RANBP17: variants seen among roughly 807,000 people sequenced by gnomAD.
RANBP17 encodes ran-binding protein 17.
In RANBP17, 158 loss-of-function variants were observed where a neutral mutation model predicts 141.2. That is an observed-to-expected ratio of 1.12 (90% confidence interval 0.98 to 1.28). RANBP17 has a LOEUF of 1.28. RANBP17 is among the 50% of genes most tolerant of loss of function. The pLI, the probability that RANBP17 is intolerant of heterozygous loss-of-function variation, is 0.00. For synonymous variants in RANBP17, 430 were observed against 450.0 expected, an observed-to-expected ratio of 0.96 and a Z score of 0.56; for missense variants, 1,438 against 1,290.7, an observed-to-expected ratio of 1.11 and a Z score of -1.75.
Position 171,053,941 on chromosome 5 carries a change from G to A in RANBP17, c.1710+85564G>A, listed in dbSNP as rs151040529. Among the ~76,000 whole-genome samples the A allele has an allele frequency of 7.0e-4, 80 of 113,686 alleles. 2 individuals carry two copies. The East Asian group carries it at 0.02, about 28-fold the overall frequency. The allele number at this position is 113,686 out of a possible 152,430, so 74.6% of individuals were successfully genotyped here. ...TATATATATAATTGCTGTATTTGAT[G>A]CATATATGCTTATCATTGTTATATA... On this transcript the variant is annotated intron_variant, in intron 14 of 27. Coordinates refer to ENST00000523189, the MANE Select transcript of RANBP17 (RefSeq NM_022897.5).
rs566104190 is a variant in RANBP17 at position 170,935,616 on chromosome 5, C to G, written c.1468+11066C>G. Among the ~76,000 whole-genome samples, 5 of 152,272 alleles carry G rather than the reference C, an allele frequency of 3.3e-5. No individual in the cohort carries two copies. The South Asian group carries it at 1.0e-3, about 32-fold the overall frequency. Reference sequence around the variant, plus strand: ...GCCTGGGTATCACCAGCTGAGGCTGCAGAACAGCAGATGTTGCTGCCTAAT... The same window carrying G: ...GCCTGGGTATCACCAGCTGAGGCTGGAGAACAGCAGATGTTGCTGCCTAAT... On this transcript the variant is annotated intron_variant, in intron 12 of 27. Transcript: ENST00000523189.
At chr5:170,889,011 C>T (rs553941990) in intron 3 of RANBP17, among the ~76,000 whole-genome samples, 44 of 152,002 alleles carry the variant, frequency 2.9e-4, no homozygotes, top group African/African-American at 1.0e-3. Context: ...TGATGGATTA[C>T]ATTAATTAAT....
chr5:171,006,082 A>G (rs1779580973), intron 14 of RANBP17, among the ~76,000 whole-genome samples: 1 of 152,148 alleles, frequency 6.6e-6, no homozygotes, highest in Non-Finnish European at 1.5e-5. Context: ...CAATCATTAA[A>G]AAGTCAGGAA....
At chr5:171,078,589 C>G (rs1020480465) in intron 14 of RANBP17, among the ~76,000 whole-genome samples, 1 of 152,214 alleles carries the variant, frequency 6.6e-6, no homozygotes, top group Non-Finnish European at 1.5e-5. Flanking sequence ...TCTCTTAGTA[C>G]AGGCTAATCC....
intron 14 of RANBP17, among the ~76,000 whole-genome samples, chr5:170,991,800 T>C (rs1333850448): frequency 1.3e-5 from 2 of 152,060 alleles, no homozygotes; most frequent in Non-Finnish European, 2.9e-5. Flanking sequence ...GCTGCTGTTA[T>C]TGGTAAGAAT....
chr5:171,206,315 T>A (rs1467889835), intron 20 of RANBP17: 3 of 158,958 alleles, frequency 1.9e-5, no homozygotes, highest in Non-Finnish European at 2.8e-5. Context: ...TGAAAACAGA[T>A]ACAATTCAGT....
chr5:171,162,584 G>A (rs1160470245), intron 14 of RANBP17, among the ~76,000 whole-genome samples: 2 of 152,000 alleles, frequency 1.3e-5, no homozygotes, highest in African/African-American at 4.8e-5. Context: ...CATTATACCT[G>A]TACTCTTTCT....
chr5:171,192,381 A>G (rs1054339099), intron 18 of RANBP17, among the ~76,000 whole-genome samples: 1 of 152,202 alleles, frequency 6.6e-6, no homozygotes, highest in Non-Finnish European at 1.5e-5. Context: ...TTTTGAGGCT[A>G]GACAGTCCAG....
At chr5:171,110,558 G>A (rs1755153388) in intron 14 of RANBP17, among the ~76,000 whole-genome samples, 1 of 152,120 alleles carries the variant, frequency 6.6e-6, no homozygotes, top group African/African-American at 2.4e-5. Context: ...TTTTCCAACT[G>A]TGGCCCTGTA....
chr5:171,094,719 G>A (rs1250782852), intron 14 of RANBP17, among the ~76,000 whole-genome samples: 4 of 152,076 alleles, frequency 2.6e-5, no homozygotes, highest in Non-Finnish European at 5.9e-5. Flanking sequence ...TTGCTGTCTG[G>A]CTAATCTTGC....
chr5:170,883,624 GA>G (rs1430399680), intron 3 of RANBP17, among the ~76,000 whole-genome samples: 1 of 151,906 alleles, frequency 6.6e-6, no homozygotes, highest in African/African-American at 2.4e-5. Flanking sequence ...CCCCAACCCT[GA>G]TCTTTTTACT....
At chr5:171,254,499 A>C (rs1765766394) in intron 24 of RANBP17, among the ~76,000 whole-genome samples, 1 of 152,194 alleles carries the variant, frequency 6.6e-6, no homozygotes, top group Non-Finnish European at 1.5e-5. Flanking sequence ...ATTACATTTT[A>C]ATCAAGTAGA....
chr5:170,903,730 T>G (rs761358659), intron 5 of RANBP17: 66 of 309,946 alleles, frequency 2.1e-4, no homozygotes, highest in Non-Finnish European at 3.6e-4. Context: ...GTCGACCTCA[T>G]AGTGAATTCT....
At chr5:171,107,757 G>T (rs553711792) in intron 14 of RANBP17, among the ~76,000 whole-genome samples, 3 of 152,296 alleles carry the variant, frequency 2.0e-5, no homozygotes, top group Non-Finnish European at 1.5e-5. Flanking sequence ...GGGAAATATG[G>T]TTATCAGACG....
chr5:171,055,852 A>G (rs925172516), intron 14 of RANBP17, among the ~76,000 whole-genome samples: 1 of 147,188 alleles, frequency 6.8e-6, no homozygotes, highest in East Asian at 2.0e-4. Context: ...TGGCAAAACA[A>G]CCAGTTTCTC....
chr5:171,294,219 C>T (rs1445379456), intron 26 of RANBP17, among the ~76,000 whole-genome samples: 1 of 152,182 alleles, frequency 6.6e-6, no homozygotes, highest in Non-Finnish European at 1.5e-5. Context: ...AGCCCCCACT[C>T]ACCAGGTGGG....
chr5:171,068,128 T>C (rs1029577380), intron 14 of RANBP17, among the ~76,000 whole-genome samples: 1 of 152,212 alleles, frequency 6.6e-6, no homozygotes, highest in Non-Finnish European at 1.5e-5. Context: ...CCAAGTTCAC[T>C]GATTCTTTCT....
intron 1 of RANBP17, among the ~76,000 whole-genome samples, chr5:170,863,297 A>G (rs553270054): frequency 1.3e-5 from 2 of 152,256 alleles, no homozygotes; most frequent in East Asian, 1.9e-4. Flanking sequence ...GTGGCAGGAG[A>G]TGACCCCAGG....
At chr5:171,127,931 C>T (rs1348743998) in intron 14 of RANBP17, among the ~76,000 whole-genome samples, 2 of 152,108 alleles carry the variant, frequency 1.3e-5, no homozygotes, top group Non-Finnish European at 1.5e-5. Context: ...GAGGCCGAGG[C>T]GGGCAGATCA....
Sources: gnomAD v4.1 joint callset for allele counts (sites outside exome capture counted in the v4.1 genomes callset) on GRCh38, gnomAD v4.1.1 for gene constraint, MANE v1.5 for transcripts, NCBI Gene and HGNC (gene_info 2026-07-23, HGNC 2026-07-21) for gene names.